Variants in TAFA1 observed in about 807,000 individuals in gnomAD.
TAFA1 encodes TAFA chemokine like family member 1, also known as chemokine-like protein TAFA-1.
TAFA1 carries 4 observed loss-of-function variants against 18.5 expected under a neutral mutation model. The ratio of observed to expected loss-of-function variants is 0.22; its 90% CI spans 0.11 to 0.49. The LOEUF (loss-of-function observed/expected upper bound fraction) is 0.49. Among genes scored for constraint, TAFA1 ranks in the 20% least tolerant of loss-of-function variants. TAFA1 has a pLI of 0.98. For synonymous variants in TAFA1, 56 were observed against 55.2 expected (o/e 1.01, Z -0.06); for missense variants, 147 against 169.0 (o/e 0.87, Z 0.72).
chr3:68,165,620 A>G (rs1313833674), intron 2 of TAFA1, among the ~76,000 whole-genome samples: 1 of 152,256 alleles, frequency 6.6e-6, no homozygotes, highest in South Asian at 2.1e-4. Flanking sequence ...ATAATTAACT[A>G]GCATCCTAGA....
intron 2 of TAFA1, among the ~76,000 whole-genome samples, chr3:68,061,329 C>G (rs2064599906): frequency 1.3e-5 from 2 of 152,134 alleles, no homozygotes; most frequent in African/African-American, 4.8e-5. Flanking sequence ...TGATAAATTT[C>G]TCTGTTTGTA....
chr3:68,475,777 C>CAGTGTAAA (rs377171661), intron 3 of TAFA1, among the ~76,000 whole-genome samples: 65,748 of 148,498 alleles, frequency 0.44, 14,871 homozygotes, highest in East Asian at 0.54. Flanking sequence ...GTCCCACCAA[C>CAGTGTAAA]AGTGTAAAAG....
chr3:68,278,832 C>T (rs2067844147), intron 2 of TAFA1, among the ~76,000 whole-genome samples: 2 of 152,130 alleles, frequency 1.3e-5, no homozygotes. Flanking sequence ...TTCCATTCTA[C>T]ATTTCTAGCA....
intron 2 of TAFA1, among the ~76,000 whole-genome samples, chr3:68,030,726 T>G (rs1704916847): frequency 6.6e-6 from 1 of 152,154 alleles, no homozygotes; most frequent in Non-Finnish European, 1.5e-5. Context: ...AGTAAACCTG[T>G]GTGTATGTGT....
chr3:68,399,791 A>T (rs193206084), intron 2 of TAFA1, among the ~76,000 whole-genome samples: 24 of 152,282 alleles, frequency 1.6e-4, no homozygotes, highest in Admixed American at 1.3e-3. Context: ...ACTTAATTCT[A>T]AATGAAGCAA....
At position 68,245,028 on chromosome 3, in the gene TAFA1, A is replaced by G. The variant is rs78056354; in HGVS notation, c.119-172252A>G. On this transcript the variant is annotated intron_variant, in intron 2 of 4. Coordinates refer to ENST00000478136, the MANE Select transcript of TAFA1 (RefSeq NM_213609.4). ...TCAGAATTAAGGCTTTTCATCTATC[A>G]AGCCTTTATTTTGTTGTATAGTCAG... Among the ~76,000 whole-genome samples, 398 of 152,272 alleles carry G rather than the reference A, an allele frequency of 2.6e-3. 6 individuals carry two copies. The East Asian group carries it at 0.039, about 15-fold the overall frequency.
chr3:68,026,019 T>TA (rs887561636), intron 2 of TAFA1, among the ~76,000 whole-genome samples: 2 of 152,144 alleles, frequency 1.3e-5, no homozygotes, highest in African/African-American at 4.8e-5. Flanking sequence ...TCTTAATAAA[T>TA]ATTTGCTGAC....
intron 3 of TAFA1, among the ~76,000 whole-genome samples, chr3:68,444,196 A>T (rs1559672762): frequency 1.3e-5 from 2 of 152,138 alleles, no homozygotes; most frequent in Non-Finnish European, 2.9e-5. Context: ...TTGGAAGTCC[A>T]AGGGTTGCTG....
chr3:68,094,502 A>G lies in TAFA1; in HGVS notation c.118+87758A>G, dbSNP rs549281764. 1.6e-4 allele frequency among the ~76,000 whole-genome samples: 24 copies of G among 152,304 alleles called. No homozygotes were observed. In the South Asian group the frequency reaches 3.1e-3, roughly 20 times the overall value. ...GACTTTCCTACGTGCATTTTATGAC[A>G]AATATTAAGAAAGTCAGATTTTGTT... On this transcript the variant is annotated intron_variant, in intron 2 of 4. Coordinates refer to ENST00000478136, the MANE Select transcript of TAFA1 (RefSeq NM_213609.4).
At chr3:68,388,039 G>A (rs1204045359) in intron 2 of TAFA1, among the ~76,000 whole-genome samples, 1 of 151,890 alleles carries the variant, frequency 6.6e-6, no homozygotes, top group African/African-American at 2.4e-5. Flanking sequence ...TCCATAATAG[G>A]CATATTATAT....
At chr3:68,490,058 A>G (rs1010526013) in intron 3 of TAFA1, among the ~76,000 whole-genome samples, 8 of 152,244 alleles carry the variant, frequency 5.3e-5, no homozygotes, top group African/African-American at 1.9e-4. Flanking sequence ...TTTGTTGCCA[A>G]TGATAGAGCT....
chr3:68,439,157 T>A (rs2071318711), intron 3 of TAFA1, among the ~76,000 whole-genome samples: 1 of 152,092 alleles, frequency 6.6e-6, no homozygotes, highest in Admixed American at 6.6e-5. Context: ...TTTTCACTTT[T>A]TACATGGCCA....
At chr3:68,417,650 C>A (rs1304261119) in intron 3 of TAFA1, 4 of 506,566 alleles carry the variant, frequency 7.9e-6, no homozygotes, top group African/African-American at 7.8e-5. Flanking sequence ...GCCATTGCAG[C>A]ATTGAGAGGT....
intron 2 of TAFA1, among the ~76,000 whole-genome samples, chr3:68,049,217 A>G (rs2064434937): frequency 6.6e-6 from 1 of 152,274 alleles, no homozygotes; most frequent in East Asian, 1.9e-4. Context: ...TTTACAACTC[A>G]TAGGCTATTA....
chr3:68,477,809 C>T (rs1365678030), intron 3 of TAFA1, among the ~76,000 whole-genome samples: 1 of 152,066 alleles, frequency 6.6e-6, no homozygotes, highest in Non-Finnish European at 1.5e-5. Flanking sequence ...AGAGGTTCTA[C>T]CAATACTTGG....
At chr3:68,167,303 C>A (rs896903794) in intron 2 of TAFA1, among the ~76,000 whole-genome samples, 12 of 152,184 alleles carry the variant, frequency 7.9e-5, no homozygotes, top group African/African-American at 2.4e-4. Context: ...TGCGGCCGGG[C>A]GCCGTGGCTC....
chr3:68,134,209 T>C (rs1006435863), intron 2 of TAFA1, among the ~76,000 whole-genome samples: 46 of 150,854 alleles, frequency 3.0e-4, no homozygotes, highest in African/African-American at 1.1e-3. Flanking sequence ...GGAAGGGAGA[T>C]TGGAGATTTG....
chr3:68,281,710 G>C (rs930701312), intron 2 of TAFA1, among the ~76,000 whole-genome samples: 2 of 151,872 alleles, frequency 1.3e-5, no homozygotes, highest in African/African-American at 4.8e-5. Context: ...CACCTGCCTC[G>C]GTCTCCCAAA....
intron 2 of TAFA1, among the ~76,000 whole-genome samples, chr3:68,275,521 A>G (rs1175809131): frequency 6.7e-6 from 1 of 149,468 alleles, no homozygotes; most frequent in Non-Finnish European, 1.5e-5. Flanking sequence ...TTTTTTGCAT[A>G]AGTCATAAAG....
Sources: allele counts gnomAD v4.1 joint callset (sites outside exome capture counted in the v4.1 genomes callset), GRCh38; gene constraint gnomAD v4.1.1; transcripts MANE v1.5; gene names NCBI Gene and HGNC (gene_info 2026-07-23, HGNC 2026-07-21).